SESN3: variants seen among roughly 807,000 people sequenced by gnomAD.
SESN3 encodes sestrin-3.
Under a neutral mutation model 55.3 loss-of-function variants are expected in SESN3, and 21 were observed. The ratio of observed to expected loss-of-function variants is 0.38; its 90% confidence interval spans 0.27 to 0.55. The LOEUF is 0.55. Among genes scored for constraint, SESN3 ranks in the 20% least tolerant of loss-of-function variants. SESN3 has a pLI of 0.76. For missense variants in SESN3, 408 were observed against 604.3 expected (o/e 0.68, Z 3.41); for synonymous variants, 181 against 203.1 (o/e 0.89, Z 0.93).
intron 4 of SESN3, among the ~76,000 whole-genome samples, chr11:95,186,853 A>C (rs1297668729): frequency 6.6e-6 from 1 of 151,926 alleles, no homozygotes; most frequent in African/African-American, 2.4e-5. Flanking sequence ...CACCAGAAAA[A>C]TATACTTGCT....
intron 4 of SESN3, among the ~76,000 whole-genome samples, chr11:95,188,636 G>A (rs373382003): frequency 3.3e-5 from 5 of 151,658 alleles, no homozygotes; most frequent in Admixed American, 6.6e-5. Context: ...GAAATGCCCT[G>A]CTCTACTTGA....
chr11:95,214,178 G>C (rs1309766599), intron 1 of SESN3, among the ~76,000 whole-genome samples: 2 of 152,118 alleles, frequency 1.3e-5, no homozygotes, highest in Admixed American at 6.5e-5. Flanking sequence ...CACTAGAAAA[G>C]CATCACCTAC....
upstream of SESN3, chr11:95,232,052 A>G (rs1021879926): frequency 2.0e-5 from 3 of 152,254 alleles, no homozygotes; most frequent in African/African-American, 7.2e-5. Context: ...CACCCAAAAG[A>G]CCTTCCTGAG....
At chr11:95,194,356 A>C (rs543345258) in intron 1 of SESN3, among the ~76,000 whole-genome samples, 2 of 152,170 alleles carry the variant, frequency 1.3e-5, no homozygotes, top group South Asian at 4.1e-4. Context: ...TATATCTCTT[A>C]AATCCTTTAC....
At chr11:95,196,785 T>G (rs522580) in intron 1 of SESN3, among the ~76,000 whole-genome samples, 7,247 of 152,278 alleles carry the variant, frequency 0.048, 422 homozygotes, top group East Asian at 0.3. Flanking sequence ...CAGACAGTTC[T>G]ACCGGACAGT....
intron 1 of SESN3, among the ~76,000 whole-genome samples, chr11:95,206,365 T>TACACATACAC (rs1860546091): frequency 7.1e-6 from 1 of 140,378 alleles, no homozygotes; most frequent in African/African-American, 2.6e-5. Context: ...AGTCCTAAAA[T>TACACATACAC]ACACACACAC....
intron 1 of SESN3, among the ~76,000 whole-genome samples, chr11:95,193,989 T>C (rs1000266162): frequency 6.6e-6 from 1 of 152,112 alleles, no homozygotes; most frequent in African/African-American, 2.4e-5. Flanking sequence ...ATATGAAGTT[T>C]TGAAACTTTA....
rs192683702 is a variant in SESN3 at position 95,174,217 on chromosome 11, A to G, written c.1393-876T>C. ...GCTAAGATCATACAGTTTATTAGCG[A>G]ATGTTTCCTAAAAAGATTTTCTTAC... On this transcript the variant is annotated intron_variant, in intron 9 of 9. Transcript: ENST00000536441. Among the ~76,000 whole-genome samples, 52 of 152,308 alleles carry G rather than the reference A, an allele frequency of 3.4e-4. No individual in the cohort carries two copies. In the East Asian group the frequency reaches 9.3e-3, roughly 27 times the overall value.
intron 9 of SESN3, among the ~76,000 whole-genome samples, chr11:95,173,643 A>G (rs1334664019): frequency 1.3e-5 from 2 of 152,160 alleles, no homozygotes; most frequent in Non-Finnish European, 2.9e-5. Flanking sequence ...TTTCCTACAA[A>G]TTACATTTCT....
chr11:95,174,791 T>C (rs938247965), intron 9 of SESN3, among the ~76,000 whole-genome samples: 6 of 152,006 alleles, frequency 3.9e-5, no homozygotes, highest in Non-Finnish European at 7.4e-5. Context: ...CCAGCCACTA[T>C]CTGGGTTTTT....
chr11:95,186,094 T>A (rs1379182008), intron 4 of SESN3, among the ~76,000 whole-genome samples: 2 of 151,818 alleles, frequency 1.3e-5, no homozygotes, highest in African/African-American at 4.8e-5. Context: ...AAACAGTAAT[T>A]CCTCCACTTT....
At chr11:95,183,770 T>G (rs1164499672) in intron 6 of SESN3, among the ~76,000 whole-genome samples, 1 of 152,118 alleles carries the variant, frequency 6.6e-6, no homozygotes, top group Non-Finnish European at 1.5e-5. Flanking sequence ...TAATATCATT[T>G]ACTATGTGGT....
chr11:95,177,746 TTAAA>T lies in SESN3; in HGVS notation c.1216_1219del (p.Phe406ThrfsTer27), dbSNP rs1565462551. ...GATTCCAAACATACAGTGAACATAG[TTAAA>T]TAAAGCTCTGCGCAGCATGGTTGTG... On this transcript the variant is annotated frameshift_variant, in exon 8 of 10. Transcript: ENST00000536441. LOFTEE classifies it high-confidence loss of function. 1.2e-6 allele frequency: 2 copies of T among 1,611,098 alleles called. No individual in the cohort carries two copies. The highest frequency in any genetic ancestry group is 1.7e-5 in the Admixed American group (1 of 59,356).
chr11:95,173,642 AATTAC>A (rs1859897335), intron 9 of SESN3, among the ~76,000 whole-genome samples: 1 of 152,058 alleles, frequency 6.6e-6, no homozygotes, highest in African/African-American at 2.4e-5. Flanking sequence ...TTTTCCTACA[AATTAC>A]ATTTCTTTCT....
At chr11:95,204,698 C>G (rs1860516431) in intron 1 of SESN3, 1 of 152,180 alleles carries the variant, frequency 6.6e-6, no homozygotes, top group African/African-American at 2.4e-5. Context: ...AGCAGACATT[C>G]ATTAGACACA....
intron 1 of SESN3, among the ~76,000 whole-genome samples, chr11:95,228,841 T>G (rs1860996163): frequency 6.6e-6 from 1 of 152,240 alleles, no homozygotes; most frequent in Non-Finnish European, 1.5e-5. Flanking sequence ...TTTCTTTTAA[T>G]AATGGCTAGA....
chr11:95,220,864 T>C (rs938187349), intron 1 of SESN3, among the ~76,000 whole-genome samples: 6 of 152,240 alleles, frequency 3.9e-5, no homozygotes, highest in African/African-American at 1.4e-4. Flanking sequence ...CTAGTTTCTT[T>C]ATCCATAAAC....
chr11:95,217,040 G>C (rs2134262185), intron 1 of SESN3, among the ~76,000 whole-genome samples: 1 of 151,224 alleles, frequency 6.6e-6, no homozygotes, highest in Non-Finnish European at 1.5e-5. Flanking sequence ...CTGGAGGTGG[G>C]GGTTGCAGTG....
chr11:95,229,504 CAAATA>C (rs1421092168), intron 1 of SESN3, among the ~76,000 whole-genome samples: 1 of 145,376 alleles, frequency 6.9e-6, no homozygotes, highest in African/African-American at 2.5e-5. Flanking sequence ...CTCACGCTCT[CAAATA>C]AAATAGGAAG....
Sources: gnomAD v4.1 joint callset for allele counts (sites outside exome capture counted in the v4.1 genomes callset) on GRCh38, gnomAD v4.1.1 for gene constraint, MANE v1.5 for transcripts, NCBI Gene and HGNC (gene_info 2026-07-23, HGNC 2026-07-21) for gene names.